Variants in DYM observed in about 807,000 individuals in gnomAD.
DYM encodes dymeclin, also known as dyggve-Melchior-Clausen syndrome protein.
A neutral mutation model predicts 93.1 loss-of-function variants in DYM; 78 were observed. The observed-to-expected ratio is 0.84, with a 90% confidence interval of 0.70 to 1.01. DYM has a LOEUF of 1.01. Ranked by LOEUF, DYM falls within the 50% of genes least tolerant of loss-of-function variation. The pLI is 0.00. For missense variants in DYM, 789 were observed against 845.0 expected, an observed-to-expected ratio of 0.93 and a Z score of 0.82; for synonymous variants, 321 against 319.7, an observed-to-expected ratio of 1.00 and a Z score of -0.04.
intron 15 of DYM, among the ~76,000 whole-genome samples, chr18:49,120,078 C>CAGAAAAAAAA (rs2082241752): frequency 1.8e-5 from 1 of 56,182 alleles, no homozygotes; most frequent in Non-Finnish European, 3.9e-5. Context: ...GATCCTGTCT[C>CAGAAAAAAAA]AAAAAAAAAA....
chr18:49,385,423 C>CA (rs1395031163), intron 3 of DYM, among the ~76,000 whole-genome samples: 2 of 152,168 alleles, frequency 1.3e-5, no homozygotes, highest in Non-Finnish European at 2.9e-5. Flanking sequence ...GGGCTGGGCA[C>CA]AGTGGCTCAA....
intron 14 of DYM, among the ~76,000 whole-genome samples, chr18:49,169,864 C>T (rs74645876): frequency 0.011 from 1,651 of 152,248 alleles, 27 homozygotes; most frequent in African/African-American, 0.038. Flanking sequence ...AGAAACAGAA[C>T]CTTTAGGAAA....
At position 49,042,923 on chromosome 18, in the gene DYM, C is replaced by T. The variant is rs1217265825; in HGVS notation, c.*1132G>A. 1.1e-4 allele frequency: 16 copies of T among 152,168 alleles called. No homozygotes were observed. The highest frequency in any genetic ancestry group is 1.5e-5 in the Non-Finnish European group (1 of 68,022). 9.4% of individuals were successfully genotyped at this position (152,168 alleles called of 1,614,324 possible). On this transcript the variant is annotated 3_prime_UTR_variant, in exon 18 of 18. Transcript: ENST00000675505. ...CATCCCACGTGGAATACAGTATGAA[C>T]AAATTACTCTCCTTTTTCTATTAGT...
At chr18:49,109,122 T>C (rs1016254843) in intron 16 of DYM, among the ~76,000 whole-genome samples, 5 of 152,182 alleles carry the variant, frequency 3.3e-5, no homozygotes, top group African/African-American at 1.2e-4. Flanking sequence ...GGGTTTCTTA[T>C]AGACAGCACA....
At chr18:49,070,230 T>C (rs547243068) in intron 17 of DYM, among the ~76,000 whole-genome samples, 1 of 152,340 alleles carries the variant, frequency 6.6e-6, no homozygotes, top group South Asian at 2.1e-4. Context: ...GAAACTAACA[T>C]TGGCTAACAG....
chr18:49,384,266 G>A (rs946344436), intron 3 of DYM, among the ~76,000 whole-genome samples: 4 of 142,742 alleles, frequency 2.8e-5, no homozygotes, highest in Non-Finnish European at 6.0e-5. Flanking sequence ...AAGCTGCAGT[G>A]AGCCATGATC....
rs927533590 is a variant in DYM, at chr18:49,037,472, T to C, written c.*6583A>G. Reference sequence around the variant, plus strand: ...GAAGCAAGTGCTGAAAAACTTTCTATTGGGTACTATGTTCACTATCTGGGT... The same window carrying C: ...GAAGCAAGTGCTGAAAAACTTTCTACTGGGTACTATGTTCACTATCTGGGT... On this transcript the variant is annotated 3_prime_UTR_variant, in exon 18 of 18. Coordinates refer to ENST00000675505, the MANE Select transcript of DYM (RefSeq NM_001353214.3). Among the ~76,000 whole-genome samples, 2 of 152,186 alleles carry C rather than the reference T, an allele frequency of 1.3e-5. No homozygotes were observed. Among genetic ancestry groups the C allele is most frequent in the African/African-American group, 4.8e-5 (2 of 41,442 alleles).
chr18:49,338,422 A>T (rs1034733912), intron 6 of DYM, among the ~76,000 whole-genome samples: 1 of 152,194 alleles, frequency 6.6e-6, no homozygotes, highest in Non-Finnish European at 1.5e-5. Flanking sequence ...GCATAAATTG[A>T]CTCACTTTTA....
chr18:49,278,784 A>C (rs2094905947), intron 10 of DYM, among the ~76,000 whole-genome samples: 1 of 152,200 alleles, frequency 6.6e-6, no homozygotes, highest in Non-Finnish European at 1.5e-5. Flanking sequence ...AGCCTGGATA[A>C]CATCATTCAG....
chr18:49,130,760 C>T (rs1232963365), intron 15 of DYM, among the ~76,000 whole-genome samples: 2 of 152,128 alleles, frequency 1.3e-5, no homozygotes, highest in Non-Finnish European at 2.9e-5. Flanking sequence ...AGTGGGGATC[C>T]AGACATGTTC....
intron 15 of DYM, among the ~76,000 whole-genome samples, chr18:49,149,241 A>C (rs980309085): frequency 5.9e-5 from 9 of 152,042 alleles, no homozygotes; most frequent in African/African-American, 1.7e-4. Context: ...ACACAGATGA[A>C]GCTTTGCTCA....
At chr18:49,356,698 T>G (rs1417736456) in intron 6 of DYM, among the ~76,000 whole-genome samples, 1 of 152,202 alleles carries the variant, frequency 6.6e-6, no homozygotes, top group Non-Finnish European at 1.5e-5. Context: ...CATTTATGAC[T>G]CTTTAGGTTC....
intron 15 of DYM, among the ~76,000 whole-genome samples, chr18:49,162,629 A>G (rs1239514284): frequency 1.3e-5 from 2 of 152,190 alleles, no homozygotes; most frequent in African/African-American, 4.8e-5. Context: ...GGCACATTCA[A>G]CCGTAGCAGT....
chr18:49,067,378 T>G (rs2076524189), intron 17 of DYM, among the ~76,000 whole-genome samples: 1 of 151,318 alleles, frequency 6.6e-6, no homozygotes, highest in African/African-American at 2.4e-5. Flanking sequence ...GTTATGGAGG[T>G]TCAGTAGGGG....
intron 13 of DYM, among the ~76,000 whole-genome samples, chr18:49,243,719 C>G (rs1175276538): frequency 6.6e-6 from 1 of 151,170 alleles, no homozygotes; most frequent in African/African-American, 2.4e-5. Context: ...GAACCAGTCT[C>G]TTTAGTTTCT....
chr18:49,292,598 A>AAACAAAACAAAAC (rs2060221313), intron 8 of DYM, among the ~76,000 whole-genome samples: 1 of 32,550 alleles, frequency 3.1e-5, no homozygotes, highest in African/African-American at 1.3e-4. Context: ...GTTGGAAAAA[A>AAACAAAACAAAAC]AAAAAAAAAA....
chr18:49,042,354 G>C lies in DYM; in HGVS notation c.*1701C>G, dbSNP rs2070991411. ...CGCTCCACGAGTCCCTTGGCCTTAG[G>C]GAACCTCTGTTTCATTCCATCCAGA... On this transcript the variant is annotated 3_prime_UTR_variant, in exon 18 of 18. Coordinates refer to ENST00000675505, the MANE Select transcript of DYM (RefSeq NM_001353214.3). 3 of 152,476 alleles carry C rather than the reference G, an allele frequency of 2.0e-5. No homozygotes were observed. Among genetic ancestry groups the C allele is most frequent in the Non-Finnish European group, 4.4e-5 (3 of 68,102 alleles). The allele number at this position is 152,476 out of a possible 1,614,324, so 9.4% of individuals were successfully genotyped here.
intron 16 of DYM, among the ~76,000 whole-genome samples, chr18:49,110,133 A>G (rs1050057137): frequency 6.6e-6 from 1 of 152,194 alleles, no homozygotes; most frequent in Non-Finnish European, 1.5e-5. Context: ...CCATTGAATT[A>G]CAATTGTTGA....
At chr18:49,293,348 G>A (rs1450596400) in intron 8 of DYM, among the ~76,000 whole-genome samples, 2 of 152,114 alleles carry the variant, frequency 1.3e-5, no homozygotes, top group Non-Finnish European at 2.9e-5. Context: ...ACCCAGTAAT[G>A]GGATTGCTGC....
Sources: gnomAD v4.1 joint callset for allele counts (sites outside exome capture counted in the v4.1 genomes callset) on GRCh38, gnomAD v4.1.1 for gene constraint, MANE v1.5 for transcripts, NCBI Gene and HGNC (gene_info 2026-07-23, HGNC 2026-07-21) for gene names.